Variants in CDH4 observed in about 807,000 individuals in gnomAD.
CDH4 encodes the protein cadherin-4.
Under a neutral mutation model 86.0 loss-of-function variants are expected in CDH4, and 33 were observed. The ratio of observed to expected loss-of-function variants is 0.38; its 90% CI spans 0.29 to 0.51. CDH4 has a LOEUF of 0.51. CDH4 is among the 20% of genes least tolerant of loss of function. CDH4 has a pLI of 0.86. For synonymous variants in CDH4, 555 were observed against 549.4 expected, an observed-to-expected ratio of 1.01 and a Z score of -0.14; for missense variants, 1,114 against 1,307.4, an observed-to-expected ratio of 0.85 and a Z score of 2.28.
intron 3 of CDH4, among the ~76,000 whole-genome samples, chr20:61,755,929 G>T (rs2088559822): frequency 6.6e-6 from 1 of 152,192 alleles, no homozygotes; most frequent in Non-Finnish European, 1.5e-5. Flanking sequence ...AGCAGCAAAG[G>T]ACCCAGCACT....
At chr20:61,916,894 G>C (rs1234683302) in intron 9 of CDH4, among the ~76,000 whole-genome samples, 1 of 152,248 alleles carries the variant, frequency 6.6e-6, no homozygotes. Flanking sequence ...GTGGTGGTAA[G>C]TGGTAGACTG....
At chr20:61,261,712 A>G (rs999490304) in intron 2 of CDH4, among the ~76,000 whole-genome samples, 1 of 152,218 alleles carries the variant, frequency 6.6e-6, no homozygotes, top group Non-Finnish European at 1.5e-5. Context: ...TGCAGACAGG[A>G]TCGGACCCAG....
At chr20:61,389,297 G>A (rs1029904645) in intron 2 of CDH4, among the ~76,000 whole-genome samples, 5 of 152,214 alleles carry the variant, frequency 3.3e-5, no homozygotes, top group African/African-American at 9.6e-5. Flanking sequence ...TGTCTCAGAT[G>A]TTCTTTATCT....
chr20:61,909,527 C>T (rs977437934), intron 8 of CDH4, among the ~76,000 whole-genome samples: 6 of 152,202 alleles, frequency 3.9e-5, no homozygotes, highest in African/African-American at 1.2e-4. Flanking sequence ...CTTGCTCCCT[C>T]TAAAGACTCC....
At chr20:61,601,568 G>A (rs560797750) in intron 2 of CDH4, among the ~76,000 whole-genome samples, 25 of 152,250 alleles carry the variant, frequency 1.6e-4, no homozygotes, top group East Asian at 5.8e-4. Flanking sequence ...TCAGATGCCC[G>A]CCCGCTGCCC....
intron 2 of CDH4, among the ~76,000 whole-genome samples, chr20:61,652,250 G>A (rs968241510): frequency 1.3e-4 from 20 of 152,192 alleles, no homozygotes; most frequent in African/African-American, 4.3e-4. Context: ...AAACTATGGT[G>A]ACACCTTCGA....
chr20:61,933,333 C>A (rs1037701941), intron 14 of CDH4, among the ~76,000 whole-genome samples: 1 of 152,256 alleles, frequency 6.6e-6, no homozygotes, highest in African/African-American at 2.4e-5. Flanking sequence ...GGGACCCCTC[C>A]CATCCTCGCC....
At chr20:61,697,219 T>G (rs535631334) in intron 2 of CDH4, among the ~76,000 whole-genome samples, 89 of 152,068 alleles carry the variant, frequency 5.9e-4, no homozygotes, top group Non-Finnish European at 1.2e-3. Flanking sequence ...ATGGAAAGGA[T>G]GGAAGATGCT....
chr20:61,895,082 C>T, intron 8 of CDH4, 35 bp downstream of exon 8: 1 of 1,608,096 alleles, frequency 6.2e-7, no homozygotes, highest in Non-Finnish European at 8.5e-7. Flanking sequence ...GACGCATGGC[C>T]CGTGCAGGGC....
chr20:61,542,694 G>A (rs542119247), intron 2 of CDH4, among the ~76,000 whole-genome samples: 1 of 152,326 alleles, frequency 6.6e-6, no homozygotes, highest in South Asian at 2.1e-4. Context: ...AGAACTCCTA[G>A]AAAGGGTCTC....
In CDH4 at chr20:61,889,419, A is replaced by G. The variant is rs147705639; in HGVS notation, c.1051-5491A>G. Among the ~76,000 whole-genome samples the G allele has an allele frequency of 1.4e-3, 195 of 139,910 alleles. 2 individuals carry two copies. The highest frequency in any genetic ancestry group is 5.2e-3 in the African/African-American group (187 of 35,990). The allele number at this position is 139,910 out of a possible 152,430, so 91.8% of individuals were successfully genotyped here. A position where few individuals can be genotyped will look rare whatever the true frequency, so the allele number is the denominator to read the frequency against. ...TGGATGAGGGATGGGTGGGTAGATG[A>G]TGGGTGATAGATGAATGGATGATGC... On this transcript the variant is annotated intron_variant, in intron 7 of 15. Transcript: ENST00000614565.
intron 3 of CDH4, among the ~76,000 whole-genome samples, chr20:61,759,040 C>A (rs1180224640): frequency 2.0e-5 from 3 of 152,146 alleles, no homozygotes; most frequent in Non-Finnish European, 4.4e-5. Flanking sequence ...TGTGTGCGTT[C>A]GCACATGGGA....
chr20:61,304,458 A>C (rs1007632264), intron 2 of CDH4, among the ~76,000 whole-genome samples: 4 of 152,066 alleles, frequency 2.6e-5, no homozygotes, highest in South Asian at 2.1e-4. Context: ...GAGCCCCTGG[A>C]GGACAGGACG....
chr20:61,903,146 A>G (rs1325487539), intron 8 of CDH4, among the ~76,000 whole-genome samples: 1 of 152,066 alleles, frequency 6.6e-6, no homozygotes, highest in Non-Finnish European at 1.5e-5. Flanking sequence ...TCATTCATTC[A>G]TTATTTCACC....
At chr20:61,527,823 G>A (rs183699222) in intron 2 of CDH4, among the ~76,000 whole-genome samples, 409 of 152,090 alleles carry the variant, frequency 2.7e-3, no homozygotes, top group African/African-American at 9.3e-3. Context: ...TGTGTGCCAC[G>A]CCAACATGAC....
intron 2 of CDH4, among the ~76,000 whole-genome samples, chr20:61,289,746 G>C (rs1445339735): frequency 1.1e-5 from 1 of 91,526 alleles, no homozygotes; most frequent in Non-Finnish European, 2.3e-5. Flanking sequence ...GACTTGCTGG[G>C]TTTATCCCCG....
chr20:61,294,404 G>A (rs2084340668), intron 2 of CDH4, among the ~76,000 whole-genome samples: 1 of 152,196 alleles, frequency 6.6e-6, no homozygotes, highest in African/African-American at 2.4e-5. Flanking sequence ...CAGTCAAAGT[G>A]CACTGAGATC....
intron 2 of CDH4, among the ~76,000 whole-genome samples, chr20:61,675,027 C>T (rs1175944694): frequency 6.6e-6 from 1 of 152,232 alleles, no homozygotes; most frequent in Non-Finnish European, 1.5e-5. Flanking sequence ...TGATCCATTA[C>T]AGAAAATGCT....
At chr20:61,565,256 G>GGT in intron 2 of CDH4, among the ~76,000 whole-genome samples, 1 of 95,810 alleles carries the variant, frequency 1.0e-5, no homozygotes, top group Non-Finnish European at 2.2e-5. Context: ...TGCTCTTGGT[G>GGT]ATGGTGGTGG....
Sources: gnomAD v4.1 joint callset for allele counts (sites outside exome capture counted in the v4.1 genomes callset) on GRCh38, gnomAD v4.1.1 for gene constraint, MANE v1.5 for transcripts, NCBI Gene and HGNC (gene_info 2026-07-23, HGNC 2026-07-21) for gene names.